Variants in ABCB5 observed in about 807,000 individuals in gnomAD.
ABCB5 encodes ATP-binding cassette sub-family B member 5.
Under a neutral mutation model 144.2 loss-of-function variants are expected in ABCB5, and 155 were observed. The observed-to-expected ratio is 1.08, with a 90% CI of 0.94 to 1.23. ABCB5 has a LOEUF of 1.23. ABCB5 is among the 50% of genes most tolerant of loss of function. The pLI is 0.00. For missense variants in ABCB5, 1,830 were observed against 1,520.8 expected (o/e 1.20, Z -3.38); for synonymous variants, 610 against 528.6 (o/e 1.15, Z -2.11).
At chr7:20,691,634 G>T (rs1056107824) in intron 16 of ABCB5, among the ~76,000 whole-genome samples, 2 of 135,588 alleles carry the variant, frequency 1.5e-5, no homozygotes, top group South Asian at 2.4e-4. Flanking sequence ...TGAAGTTTTA[G>T]GGTACATGTG....
At chr7:20,621,773 C>T (rs1175856190) in intron 1 of ABCB5, among the ~76,000 whole-genome samples, 11 of 152,202 alleles carry the variant, frequency 7.2e-5, no homozygotes, top group Non-Finnish European at 1.2e-4. Flanking sequence ...ATAAAATCAA[C>T]GCCTTGCGTA....
intron 26 of ABCB5, among the ~76,000 whole-genome samples, chr7:20,750,802 T>C (rs1782900549): frequency 1.3e-5 from 2 of 151,988 alleles, no homozygotes; most frequent in Non-Finnish European, 2.9e-5. Context: ...ACATGCTGAG[T>C]GTAATGTAAT....
rs1208687821 is a variant in ABCB5 at position 20,755,470 on chromosome 7, GC to G, written c.3622del (p.Leu1208Ter). The G allele has an allele frequency of 6.2e-7, 1 of 1,614,222 alleles. No individual in the cohort carries two copies. Among genetic ancestry groups the G allele is most frequent in the Admixed American group, 1.7e-5 (1 of 60,024 alleles). On this transcript the variant is annotated frameshift_variant, in exon 28 of 28. Coordinates refer to ENST00000404938, the MANE Select transcript of ABCB5 (RefSeq NM_001163941.2). LOFTEE classifies it high-confidence loss of function. ...GATAAAGCCAGGACGGGAAGGACAT[GC>G]CTAGTGGTCACTCACAGGCTCTCTG... ...ALDKARTGRT[C>X]LVVTHRLSAI...
intron 21 of ABCB5, among the ~76,000 whole-genome samples, chr7:20,726,674 T>C (rs2128050905): frequency 6.6e-6 from 1 of 152,266 alleles, no homozygotes; most frequent in South Asian, 2.1e-4. Context: ...GCATCTGCTA[T>C]CTTTTACTTG....
chr7:20,721,339 G>A (rs150346510), intron 20 of ABCB5, among the ~76,000 whole-genome samples: 1 of 152,246 alleles, frequency 6.6e-6, no homozygotes, highest in East Asian at 1.9e-4. Context: ...TCTATTGTAC[G>A]GGACTAGTGA....
At chr7:20,745,167 A>T in intron 25 of ABCB5, 65 bp from the exon 26 acceptor site, 1 of 1,471,138 alleles carries the variant, frequency 6.8e-7, no homozygotes, top group Non-Finnish European at 9.5e-7. Flanking sequence ...GTTTGAATAC[A>T]GTGAACTGTA....
chr7:20,691,670 T>G (rs1166595320), intron 16 of ABCB5, among the ~76,000 whole-genome samples: 3 of 151,884 alleles, frequency 2.0e-5, no homozygotes, highest in Admixed American at 2.0e-4. Context: ...AGACACTGGG[T>G]AAAGTGTTAA....
intron 27 of ABCB5, among the ~76,000 whole-genome samples, chr7:20,754,702 A>G (rs1783031415): frequency 1.3e-5 from 2 of 152,222 alleles, no homozygotes; most frequent in South Asian, 4.1e-4. Flanking sequence ...CTACTTAGGT[A>G]TACTACTTAG....
chr7:20,662,524 A>C (rs1785034905), intron 14 of ABCB5, among the ~76,000 whole-genome samples: 1 of 152,226 alleles, frequency 6.6e-6, no homozygotes, highest in African/African-American at 2.4e-5. Flanking sequence ...GTCTGTGTCA[A>C]TTAAACATCT....
intron 21 of ABCB5, among the ~76,000 whole-genome samples, chr7:20,724,918 C>G (rs1781988135): frequency 6.6e-6 from 1 of 152,116 alleles, no homozygotes; most frequent in Admixed American, 6.6e-5. Flanking sequence ...ATAGTCTGAA[C>G]TACCTAGCAA....
At chr7:20,675,227 T>G (rs1785563781) in intron 14 of ABCB5, among the ~76,000 whole-genome samples, 1 of 152,064 alleles carries the variant, frequency 6.6e-6, no homozygotes, top group African/African-American at 2.4e-5. Flanking sequence ...GGCATCACAC[T>G]TCCTGATTTC....
intron 23 of ABCB5, among the ~76,000 whole-genome samples, chr7:20,737,675 A>G (rs1782431419): frequency 6.6e-6 from 1 of 152,122 alleles, no homozygotes; most frequent in Non-Finnish European, 1.5e-5. Flanking sequence ...TTATCTTCCC[A>G]GCTCACCTGC....
At chr7:20,688,267 A>T (rs4721934) in intron 16 of ABCB5, among the ~76,000 whole-genome samples, 3 of 152,192 alleles carry the variant, frequency 2.0e-5, no homozygotes, top group Non-Finnish European at 4.4e-5. Flanking sequence ...AAAGAAATGG[A>T]GCAGTATTTT....
intron 2 of ABCB5, among the ~76,000 whole-genome samples, chr7:20,625,460 G>C (rs543167373): frequency 1.1e-4 from 17 of 152,298 alleles, no homozygotes; most frequent in Admixed American, 3.9e-4. Context: ...GGACCTCCTT[G>C]AAATGTGAGC....
intron 22 of ABCB5, 27 bp downstream of exon 22, chr7:20,727,167 A>G: frequency 1.3e-6 from 2 of 1,573,152 alleles, no homozygotes; most frequent in Non-Finnish European, 1.7e-6. Flanking sequence ...ACTGACTTCA[A>G]AAACTTAATT....
chr7:20,707,794 CTCATT>C (rs1179032886), intron 20 of ABCB5, among the ~76,000 whole-genome samples: 1 of 128,462 alleles, frequency 7.8e-6, no homozygotes, highest in Non-Finnish European at 1.6e-5. Context: ...CAATGGTAAC[CTCATT>C]TCTTTTTTTT....
intron 5 of ABCB5, among the ~76,000 whole-genome samples, chr7:20,642,404 T>A (rs1482967758): frequency 2.0e-5 from 3 of 152,232 alleles, no homozygotes; most frequent in Admixed American, 1.3e-4. Context: ...AGCTATAATA[T>A]CACTTCCTCA....
chr7:20,668,575 C>T (rs1172527879), intron 14 of ABCB5, among the ~76,000 whole-genome samples: 2 of 150,518 alleles, frequency 1.3e-5, no homozygotes, highest in Admixed American at 6.6e-5. Flanking sequence ...GCAGCCACCC[C>T]GTCCGGGAGG....
At chr7:20,667,443 T>C (rs1021444913) in intron 14 of ABCB5, 1 of 985,578 alleles carries the variant, frequency 1.0e-6, no homozygotes, top group African/African-American at 1.7e-5. Flanking sequence ...TCAGACCTTT[T>C]CTAGTTGCAA....
Sources: gnomAD v4.1 joint callset for allele counts (sites outside exome capture counted in the v4.1 genomes callset) on GRCh38, gnomAD v4.1.1 for gene constraint, MANE v1.5 for transcripts, NCBI Gene and HGNC (gene_info 2026-07-23, HGNC 2026-07-21) for gene names.